ATRNL1: variants seen among roughly 807,000 people sequenced by gnomAD.
ATRNL1 encodes the protein attractin-like protein 1.
ATRNL1 carries 95 observed loss-of-function variants against 182.7 expected under a neutral mutation model. The observed-to-expected ratio is 0.52, with a 90% CI of 0.44 to 0.62. The LOEUF (loss-of-function observed/expected upper bound fraction) is 0.62. ATRNL1 is among the 20% of genes least tolerant of loss of function. ATRNL1 has a pLI of 0.00. For synonymous variants in ATRNL1, 576 were observed against 568.3 expected, an observed-to-expected ratio of 1.01 and a Z score of -0.19; for missense variants, 1,471 against 1,679.5, an observed-to-expected ratio of 0.88 and a Z score of 2.17.
At chr10:115,749,463 T>TA (rs1281776278) in intron 27 of ATRNL1, among the ~76,000 whole-genome samples, 2 of 151,790 alleles carry the variant, frequency 1.3e-5, no homozygotes, top group African/African-American at 2.4e-5. Context: ...TATATATTAG[T>TA]AAAAAAATAA....
chr10:115,127,372 T>C (rs1429948085), intron 3 of ATRNL1, among the ~76,000 whole-genome samples: 1 of 152,048 alleles, frequency 6.6e-6, no homozygotes, highest in Non-Finnish European at 1.5e-5. Flanking sequence ...AAAAATGGGG[T>C]ACAGTGGCAT....
At chr10:115,213,160 A>G (rs1478234298) in intron 8 of ATRNL1, among the ~76,000 whole-genome samples, 1 of 152,016 alleles carries the variant, frequency 6.6e-6, no homozygotes, top group Non-Finnish European at 1.5e-5. Flanking sequence ...TGTCGGTATG[A>G]CAGGGAGTTT....
At chr10:115,336,984 G>T (rs1038057778) in intron 19 of ATRNL1, among the ~76,000 whole-genome samples, 2 of 146,788 alleles carry the variant, frequency 1.4e-5, no homozygotes, top group South Asian at 2.1e-4. Flanking sequence ...TAGCTGGGGG[G>T]GGGGGACTAC....
intron 27 of ATRNL1, among the ~76,000 whole-genome samples, chr10:115,733,853 A>G (rs1947871642): frequency 6.6e-6 from 1 of 152,174 alleles, no homozygotes; most frequent in African/African-American, 2.4e-5. Flanking sequence ...TATTAATGTA[A>G]AAGATATAAT....
intron 25 of ATRNL1, among the ~76,000 whole-genome samples, chr10:115,539,846 G>T (rs1167610282): frequency 1.3e-5 from 2 of 152,006 alleles, no homozygotes; most frequent in Non-Finnish European, 2.9e-5. Flanking sequence ...CTTCTTGTCT[G>T]TCCTCCCAGC....
chr10:115,249,484 G>A (rs983258131), intron 10 of ATRNL1, among the ~76,000 whole-genome samples: 1 of 152,024 alleles, frequency 6.6e-6, no homozygotes, highest in African/African-American at 2.4e-5. Flanking sequence ...CCTTCAGCTT[G>A]AGTTTTTAAT....
intron 21 of ATRNL1, among the ~76,000 whole-genome samples, chr10:115,437,506 G>T (rs1475690813): frequency 6.6e-6 from 1 of 151,878 alleles, no homozygotes; most frequent in African/African-American, 2.4e-5. Flanking sequence ...CATTGAGACT[G>T]TTAAAATACT....
chr10:115,646,752 T>C (rs1311670302), intron 26 of ATRNL1, among the ~76,000 whole-genome samples: 1 of 152,004 alleles, frequency 6.6e-6, no homozygotes, highest in Non-Finnish European at 1.5e-5. Context: ...ATACTATACA[T>C]ACTATTATCT....
At chr10:115,377,427 A>T (rs1320477561) in intron 19 of ATRNL1, among the ~76,000 whole-genome samples, 1 of 152,124 alleles carries the variant, frequency 6.6e-6, no homozygotes, top group Admixed American at 6.5e-5. Context: ...TCTTCTTCGC[A>T]GTCTTGGGTA....
At chr10:115,804,689 G>C (rs977436690) in intron 27 of ATRNL1, among the ~76,000 whole-genome samples, 1 of 152,118 alleles carries the variant, frequency 6.6e-6, no homozygotes, top group Non-Finnish European at 1.5e-5. Flanking sequence ...AACAACAAAG[G>C]CTCAAGGATC....
At chr10:115,667,869 T>G (rs1263785708) in intron 26 of ATRNL1, among the ~76,000 whole-genome samples, 2 of 152,016 alleles carry the variant, frequency 1.3e-5, no homozygotes, top group Non-Finnish European at 2.9e-5. Flanking sequence ...CTCACTATGT[T>G]GCCCAGGCTT....
chr10:115,758,713 T>G (rs1204248351), intron 27 of ATRNL1, among the ~76,000 whole-genome samples: 2 of 152,320 alleles, frequency 1.3e-5, no homozygotes, highest in Admixed American at 6.5e-5. Context: ...TTTAAATCAC[T>G]GAAGCTGTGC....
chr10:115,558,439 T>G (rs1201039324), intron 26 of ATRNL1, among the ~76,000 whole-genome samples: 1 of 152,154 alleles, frequency 6.6e-6, no homozygotes, highest in Non-Finnish European at 1.5e-5. Context: ...CCCATGCAGA[T>G]AAAGGGATGG....
At chr10:115,896,724 TGAAG>T (rs1202014046) in intron 28 of ATRNL1, among the ~76,000 whole-genome samples, 1 of 152,148 alleles carries the variant, frequency 6.6e-6, no homozygotes, top group African/African-American at 2.4e-5. Context: ...ATAAAATAAA[TGAAG>T]GAAGGATGAC....
chr10:115,601,025 G>A (rs1156496031), intron 26 of ATRNL1, among the ~76,000 whole-genome samples: 29 of 146,432 alleles, frequency 2.0e-4, no homozygotes, highest in African/African-American at 6.5e-4. Context: ...CTTACAATCT[G>A]CTCTTTTTCT....
chr10:115,426,367 G>T, intron 21 of ATRNL1, 65 bp downstream of exon 21: 3 of 1,200,928 alleles, frequency 2.5e-6, no homozygotes, highest in South Asian at 3.1e-5. Context: ...AATAATAAAG[G>T]TCATCTTGAA....
At chr10:115,779,881 G>A (rs1555078863) in intron 27 of ATRNL1, among the ~76,000 whole-genome samples, 1 of 152,090 alleles carries the variant, frequency 6.6e-6, no homozygotes, top group Admixed American at 6.6e-5. Flanking sequence ...GATATGTCCT[G>A]GAAAAATGGT....
chr10:115,677,123 G>C (rs1404390044), intron 26 of ATRNL1, among the ~76,000 whole-genome samples: 3 of 152,016 alleles, frequency 2.0e-5, no homozygotes, highest in Non-Finnish European at 4.4e-5. Context: ...ATGCATTCAT[G>C]AAAGAATGAA....
At chr10:115,746,188 A>G (rs1352759333) in intron 27 of ATRNL1, among the ~76,000 whole-genome samples, 1 of 152,160 alleles carries the variant, frequency 6.6e-6, no homozygotes, top group African/African-American at 2.4e-5. Flanking sequence ...GAACTTCAGC[A>G]TTGATTATTT....
Sources: allele counts gnomAD v4.1 joint callset (sites outside exome capture counted in the v4.1 genomes callset), GRCh38; gene constraint gnomAD v4.1.1; transcripts MANE v1.5; gene names NCBI Gene and HGNC (gene_info 2026-07-23, HGNC 2026-07-21).